Variants in HPSE2 observed in about 807,000 individuals in gnomAD.
The protein encoded by HPSE2 is inactive heparanase-2.
HPSE2 carries 38 observed loss-of-function variants against 60.5 expected under a neutral mutation model. The observed-to-expected ratio is 0.63, with a 90% CI of 0.48 to 0.82. The LOEUF is 0.82. Among genes scored for constraint, HPSE2 ranks in the 40% least tolerant of loss-of-function variants. The pLI is 0.00. For missense variants in HPSE2, 713 were observed against 740.4 expected (o/e 0.96, Z 0.43); for synonymous variants, 295 against 293.2 (o/e 1.01, Z -0.06).
intron 9 of HPSE2, among the ~76,000 whole-genome samples, chr10:98,544,816 G>A (rs1162768235): frequency 1.3e-5 from 2 of 151,050 alleles, no homozygotes; most frequent in Non-Finnish European, 2.9e-5. Context: ...GAGCAGAACT[G>A]AAGGAAATAG....
At chr10:99,168,953 G>C (rs1418703287) in intron 2 of HPSE2, among the ~76,000 whole-genome samples, 1 of 150,742 alleles carries the variant, frequency 6.6e-6, no homozygotes, top group Non-Finnish European at 1.5e-5. Context: ...CCAGCACTTT[G>C]GGAGGCCAAG....
chr10:98,992,806 T>C (rs1328666737), intron 3 of HPSE2, among the ~76,000 whole-genome samples: 2 of 152,186 alleles, frequency 1.3e-5, no homozygotes, highest in Non-Finnish European at 2.9e-5. Context: ...ACCTTCATAC[T>C]GTACTGGCCA....
chr10:99,110,355 T>G (rs1844411633), intron 3 of HPSE2, among the ~76,000 whole-genome samples: 1 of 152,166 alleles, frequency 6.6e-6, no homozygotes, highest in Admixed American at 6.6e-5. Context: ...TCAGGGTATG[T>G]GCAAAAGCTC....
Position 98,626,124 on chromosome 10 carries a change from G to A in HPSE2, c.1099-5416C>T, listed in dbSNP as rs201930723. ...CCGTCTCAAAAAAAAAAAAGAAAAA[G>A]AAAAAAGAAAAAAGATGAATAAAAA... On this transcript the variant is annotated intron_variant, in intron 7 of 11. Transcript: ENST00000370552. 2.4e-3 allele frequency among the ~76,000 whole-genome samples: 217 copies of A among 89,176 alleles called. 14 individuals carry two copies. Among genetic ancestry groups the A allele is most frequent in the East Asian group, 3.9e-3 (11 of 2,846 alleles). 58.5% of individuals were successfully genotyped at this position (89,176 alleles called of 152,430 possible).
chr10:98,814,741 C>A (rs975795111), intron 3 of HPSE2, among the ~76,000 whole-genome samples: 1 of 152,176 alleles, frequency 6.6e-6, no homozygotes, highest in African/African-American at 2.4e-5. Flanking sequence ...ATTAATTTAA[C>A]TATGGCAGAC....
At chr10:98,464,605 T>C (rs754586) in intron 11 of HPSE2, among the ~76,000 whole-genome samples, 73,002 of 152,122 alleles carry the variant, frequency 0.48, 19,444 homozygotes, top group Non-Finnish European at 0.6. Context: ...AGTGAGTTAC[T>C]TGTTTGATCC....
intron 7 of HPSE2, among the ~76,000 whole-genome samples, chr10:98,641,609 A>C (rs1236359490): frequency 6.6e-6 from 1 of 152,118 alleles, no homozygotes; most frequent in Non-Finnish European, 1.5e-5. Context: ...ATTAAAAAAA[A>C]AATAGAGACG....
intron 2 of HPSE2, among the ~76,000 whole-genome samples, chr10:99,172,697 G>A (rs968007459): frequency 6.6e-6 from 1 of 152,160 alleles, no homozygotes; most frequent in Admixed American, 6.5e-5. Context: ...GGCCAACGCG[G>A]TGAAAACCTG....
intron 5 of HPSE2, among the ~76,000 whole-genome samples, chr10:98,705,299 C>T (rs1406446057): frequency 6.6e-6 from 1 of 152,192 alleles, no homozygotes. Flanking sequence ...TGCTTTTACA[C>T]TGTTGGTGGG....
At chr10:99,149,799 T>C (rs1846190950) in intron 2 of HPSE2, among the ~76,000 whole-genome samples, 1 of 151,838 alleles carries the variant, frequency 6.6e-6, no homozygotes. Flanking sequence ...AACTTAGATA[T>C]ACATTTAACT....
intron 6 of HPSE2, among the ~76,000 whole-genome samples, chr10:98,654,650 C>T (rs1947009912): frequency 1.3e-5 from 2 of 152,156 alleles, no homozygotes; most frequent in Admixed American, 1.3e-4. Context: ...CATTAGAGCA[C>T]TTAATGTATT....
chr10:99,055,565 C>T (rs4491154), intron 3 of HPSE2, among the ~76,000 whole-genome samples: 76,540 of 151,854 alleles, frequency 0.5, 21,659 homozygotes, highest in East Asian at 0.63. Context: ...AAAAATTTCC[C>T]AATTTTGGTG....
Position 98,721,946 on chromosome 10 carries a change from A to C in HPSE2, c.785-118T>G, listed in dbSNP as rs145732615. 1.1e-4 allele frequency: 93 copies of C among 885,196 alleles called. 1 individual carries two copies. In the East Asian group the frequency reaches 2.4e-3, roughly 23 times the overall value. The allele number at this position is 885,196 out of a possible 1,614,324, so 54.8% of individuals were successfully genotyped here. A position where few individuals can be genotyped will look rare whatever the true frequency, so the allele number is the denominator to read the frequency against. On this transcript the variant is annotated intron_variant, in intron 4 of 11. Coordinates refer to ENST00000370552, the MANE Select transcript of HPSE2 (RefSeq NM_021828.5). ...AATATGAAAAAAAAAAACAATAAAA[A>C]AGTGGGTGTGAATTATTTTAACTTA... is the stretch of plus-strand genomic sequence containing the variant.
At chr10:99,072,266 A>G (rs1842815908) in intron 3 of HPSE2, among the ~76,000 whole-genome samples, 1 of 152,188 alleles carries the variant, frequency 6.6e-6, no homozygotes, top group African/African-American at 2.4e-5. Context: ...AAATCACCAA[A>G]AACAATTTGC....
intron 6 of HPSE2, among the ~76,000 whole-genome samples, chr10:98,685,841 A>G (rs1233686528): frequency 6.6e-6 from 1 of 152,224 alleles, no homozygotes; most frequent in South Asian, 2.1e-4. Flanking sequence ...TCCAAAATGA[A>G]CCAGATATTG....
chr10:98,952,947 AT>A (rs1480810885), intron 3 of HPSE2, among the ~76,000 whole-genome samples: 1 of 152,128 alleles, frequency 6.6e-6, no homozygotes, highest in Non-Finnish European at 1.5e-5. Flanking sequence ...AATATACGAA[AT>A]TAGGGAAGGT....
In HPSE2 at chr10:98,962,752, T is replaced by C. The variant is rs373076942; in HGVS notation, c.610+181486A>G. On this transcript the variant is annotated intron_variant, in intron 3 of 11. Coordinates refer to ENST00000370552, the MANE Select transcript of HPSE2 (RefSeq NM_021828.5). ...GCAAAGTCTCAGGATACAAAATCAATGTACAAAAATCACAAGCATTCTTAT... is the reference window on the plus strand; with the variant it reads ...GCAAAGTCTCAGGATACAAAATCAACGTACAAAAATCACAAGCATTCTTAT... Among the ~76,000 whole-genome samples the C allele has an allele frequency of 5.3e-4, 80 of 149,712 alleles. No individual in the cohort carries two copies. The East Asian group carries it at 0.012, about 23-fold the overall frequency.
At chr10:98,780,575 G>A (rs1361488993) in intron 3 of HPSE2, among the ~76,000 whole-genome samples, 5 of 151,998 alleles carry the variant, frequency 3.3e-5, no homozygotes, top group South Asian at 4.1e-4. Flanking sequence ...GAAGATGGCC[G>A]GGGGACTGAA....
At chr10:98,975,683 G>C (rs573887822) in intron 3 of HPSE2, among the ~76,000 whole-genome samples, 38 of 152,250 alleles carry the variant, frequency 2.5e-4, no homozygotes, top group African/African-American at 8.9e-4. Flanking sequence ...TTGAAACCCA[G>C]CTCATGTGTT....
Sources: allele counts gnomAD v4.1 joint callset (sites outside exome capture counted in the v4.1 genomes callset), GRCh38; gene constraint gnomAD v4.1.1; transcripts MANE v1.5; gene names NCBI Gene and HGNC (gene_info 2026-07-23, HGNC 2026-07-21).